WARS1: variants seen among roughly 807,000 people sequenced by gnomAD.
The protein encoded by WARS1 is tryptophan--tRNA ligase, cytoplasmic.
Under a neutral mutation model 47.8 loss-of-function variants are expected in WARS1, and 17 were observed. The ratio of observed to expected loss-of-function variants is 0.36; its 90% CI spans 0.24 to 0.53. The LOEUF (loss-of-function observed/expected upper bound fraction) is 0.53, where lower values mean the gene tolerates loss of function less well. Ranked by LOEUF, WARS1 falls within the 20% of genes least tolerant of loss-of-function variation. WARS1 has a pLI of 0.91. For missense variants in WARS1, 434 were observed against 608.0 expected, an observed-to-expected ratio of 0.71 and a Z score of 3.01; for synonymous variants, 208 against 228.1, an observed-to-expected ratio of 0.91 and a Z score of 0.79.
intron 7 of WARS1, 70 bp downstream of exon 7, chr14:100,346,676 G>A (rs1420941955): frequency 3.2e-6 from 4 of 1,249,010 alleles, no homozygotes; most frequent in Admixed American, 1.7e-5. Flanking sequence ...CCAGGCATGT[G>A]TCTCCTCCAG....
intron 2 of WARS1, chr14:100,366,027 G>T: frequency 2.2e-6 from 1 of 456,034 alleles, no homozygotes; most frequent in Non-Finnish European, 4.4e-6. Flanking sequence ...CAGTTATTGA[G>T]AATCCCTCTC....
intron 3 of WARS1, among the ~76,000 whole-genome samples, chr14:100,361,002 TA>T (rs1895627291): frequency 6.6e-6 from 1 of 151,954 alleles, no homozygotes; most frequent in South Asian, 2.1e-4. Context: ...AATAGGTATA[TA>T]TATATATATT....
chr14:100,364,027 T>C (rs1343299048), intron 2 of WARS1, among the ~76,000 whole-genome samples: 1 of 152,166 alleles, frequency 6.6e-6, no homozygotes, highest in Non-Finnish European at 1.5e-5. Flanking sequence ...TGGCAGAGGC[T>C]GAGGCGCGTG....
chr14:100,346,263 G>A (rs1377445774), intron 7 of WARS1, among the ~76,000 whole-genome samples: 1 of 152,166 alleles, frequency 6.6e-6, no homozygotes, highest in East Asian at 1.9e-4. Flanking sequence ...GGGCAGGGGT[G>A]GGAAGGCTCC....
At chr14:100,346,954 C>T (rs370652428) in intron 6 of WARS1, 108 bp from the exon 7 acceptor site, 47 of 953,740 alleles carry the variant, frequency 4.9e-5, no homozygotes, top group Middle Eastern at 4.3e-4. Flanking sequence ...GGGCCAGACT[C>T]GGGGCCACAT....
At chr14:100,367,363 G>A (rs762111458) in intron 2 of WARS1, among the ~76,000 whole-genome samples, 3 of 152,078 alleles carry the variant, frequency 2.0e-5, no homozygotes, top group African/African-American at 4.8e-5. Flanking sequence ...GCCGAGGTGG[G>A]CAGATCATGA....
At chr14:100,339,482 C>T (rs1031075411) in intron 9 of WARS1, among the ~76,000 whole-genome samples, 6 of 146,756 alleles carry the variant, frequency 4.1e-5, no homozygotes, top group African/African-American at 7.5e-5. Context: ...CCCAGCTACT[C>T]GGGAGCCTTG....
At chr14:100,360,711 A>C in intron 3 of WARS1, 49 bp from the exon 4 acceptor site, 1 of 1,377,532 alleles carries the variant, frequency 7.3e-7, no homozygotes, top group Admixed American at 1.8e-5. Flanking sequence ...AGGTTTAGTG[A>C]TCAGATATTA....
chr14:100,361,646 C>T (rs780457772), intron 3 of WARS1, 62 bp downstream of exon 3: 84 of 1,519,772 alleles, frequency 5.5e-5, no homozygotes, highest in Non-Finnish European at 7.3e-5. Flanking sequence ...TCAATGGAAT[C>T]AACTCAATGG....
intron 3 of WARS1, among the ~76,000 whole-genome samples, chr14:100,361,201 T>C (rs1895638910): frequency 6.6e-6 from 1 of 152,238 alleles, no homozygotes; most frequent in African/African-American, 2.4e-5. Context: ...TAATTAGCAA[T>C]GATCTCAGAG....
chr14:100,349,573 C>G (rs1010356103), intron 6 of WARS1, among the ~76,000 whole-genome samples: 6 of 152,222 alleles, frequency 3.9e-5, no homozygotes, highest in African/African-American at 7.2e-5. Flanking sequence ...TGCTGCCCCC[C>G]ACTAGCACCC....
chr14:100,335,383 A>AT (rs60877531), intron 10 of WARS1, among the ~76,000 whole-genome samples: 53,504 of 146,976 alleles, frequency 0.36, 11,851 homozygotes, highest in South Asian at 0.66. Context: ...AATCTTGCTA[A>AT]TTTTTTTTTT....
Position 100,373,484 on chromosome 14 carries a change from G to A in WARS1, c.-74+1799C>T, listed in dbSNP as rs553338921. Among the ~76,000 whole-genome samples, 8 of 152,276 alleles carry A rather than the reference G, an allele frequency of 5.3e-5. No homozygotes were observed. Among genetic ancestry groups the A allele is most frequent in the East Asian group, 3.9e-4 (2 of 5,188 alleles). On this transcript the variant is annotated intron_variant, in intron 1 of 10. Transcript: ENST00000392882. The surrounding 1 kb of genome is among the most constrained non-coding windows in gnomAD (Gnocchi z 4.4). ...CCTTCCAAAAAATGTGGTGCCCCGCGTGAAGGCAACAAGGCAGCAGCAGTA... is the reference window on the plus strand; with the variant it reads ...CCTTCCAAAAAATGTGGTGCCCCGCATGAAGGCAACAAGGCAGCAGCAGTA...
intron 2 of WARS1, among the ~76,000 whole-genome samples, chr14:100,366,469 C>A (rs1896002826): frequency 6.6e-6 from 1 of 152,122 alleles, no homozygotes; most frequent in Non-Finnish European, 1.5e-5. Context: ...AAACACCAAA[C>A]AGTTGAGAAT....
At position 100,361,912 on chromosome 14, in the gene WARS1, C is replaced by G; in HGVS notation, c.109G>C (p.Asp37His). The change falls in exon 3 of 11, where the codon GAT becomes CAT. Residue 37 changes from aspartate to histidine, a missense_variant. Physicochemically the swap from Asp to His is moderately conservative, Grantham distance 81. This residue lies in a region of WARS1 where 87 missense variants were observed against 84.2 expected (regional missense o/e 1.03). Coordinates refer to ENST00000392882, the MANE Select transcript of WARS1 (RefSeq NM_004184.4). Reference sequence around the variant, plus strand: ...GACACCAACATCTTTACTGCAGAATCAATTTCATCCTGAGAGAGGAAATAA... The same window carrying G: ...GACACCAACATCTTTACTGCAGAATGAATTTCATCCTGAGAGAGGAAATAA... ...KAGNASKDEI[D>H]SAVKMLVSLK... 6.2e-7 allele frequency: 1 copy of G among 1,614,130 alleles called. No individual in the cohort carries two copies. Among genetic ancestry groups the G allele is most frequent in the Non-Finnish European group, 8.5e-7 (1 of 1,180,008 alleles).
chr14:100,363,061 C>T (rs1266744266), intron 2 of WARS1, among the ~76,000 whole-genome samples: 13 of 152,120 alleles, frequency 8.5e-5, no homozygotes, highest in Non-Finnish European at 1.5e-5. Flanking sequence ...TATGTTCCAC[C>T]CATCTCATTT....
At chr14:100,337,016 G>A in intron 10 of WARS1, 46 bp downstream of exon 10, 1 of 1,598,742 alleles carries the variant, frequency 6.3e-7, no homozygotes, top group Non-Finnish European at 8.6e-7. Context: ...ATGGGCAGGA[G>A]TGGGTGGCAG....
At position 100,357,832 on chromosome 14, in the gene WARS1, T is replaced by C. The variant is rs140816017; in HGVS notation, c.422+2722A>G. On this transcript the variant is annotated intron_variant, in intron 4 of 10. Coordinates refer to ENST00000392882, the MANE Select transcript of WARS1 (RefSeq NM_004184.4). ...TAAGAAAATGCCATTTAGAATAGCA[T>C]TAAAAAGATAAAATTCTAATGAATA... 3.4e-4 allele frequency among the ~76,000 whole-genome samples: 52 copies of C among 152,250 alleles called. 1 individual carries two copies. The East Asian group carries it at 7.9e-3, about 23-fold the overall frequency.
chr14:100,360,411 G>T, intron 4 of WARS1, 143 bp downstream of exon 4: 1 of 556,948 alleles, frequency 1.8e-6, no homozygotes, highest in Middle Eastern at 3.5e-4. Flanking sequence ...TTACTGACAG[G>T]ACAGAGGATG....
Sources: gnomAD v4.1 joint callset for allele counts (sites outside exome capture counted in the v4.1 genomes callset) on GRCh38, gnomAD v4.1.1 for gene constraint, gnomAD v4.1.1 regional missense constraint, Gnocchi (gnomAD v3.1) non-coding constraint, MANE v1.5 for transcripts, NCBI Gene and HGNC (gene_info 2026-07-23, HGNC 2026-07-21) for gene names.